Variants in PCSK2 observed in about 807,000 individuals in gnomAD.
The protein encoded by PCSK2 is proprotein convertase subtilisin/kexin type 2.
Under a neutral mutation model 69.7 loss-of-function variants are expected in PCSK2, and 14 were observed. The ratio of observed to expected loss-of-function variants is 0.20; its 90% confidence interval spans 0.13 to 0.31. The LOEUF is 0.31. Among genes scored for constraint, PCSK2 ranks in the 10% least tolerant of loss-of-function variants. The pLI is 1.00. For synonymous variants in PCSK2, 307 were observed against 320.7 expected (o/e 0.96, Z 0.46); for missense variants, 544 against 842.5 (o/e 0.65, Z 4.39).
At chr20:17,429,843 T>A (rs1347072815) in intron 7 of PCSK2, among the ~76,000 whole-genome samples, 1 of 152,130 alleles carries the variant, frequency 6.6e-6, no homozygotes, top group Non-Finnish European at 1.5e-5. Context: ...GTTACTACTC[T>A]GACACCCAAG....
chr20:17,237,097 T>C (rs1048914288), intron 1 of PCSK2, among the ~76,000 whole-genome samples: 1 of 151,824 alleles, frequency 6.6e-6, no homozygotes, highest in African/African-American at 2.4e-5. Context: ...GGTTGAGAGG[T>C]GAGAGAAATG....
chr20:17,404,315 T>C (rs2031707212), intron 5 of PCSK2, among the ~76,000 whole-genome samples: 1 of 152,228 alleles, frequency 6.6e-6, no homozygotes, highest in Non-Finnish European at 1.5e-5. Context: ...ATTAAATACA[T>C]TGGTCTTCTT....
At chr20:17,366,182 A>G (rs1329754890) in intron 4 of PCSK2, among the ~76,000 whole-genome samples, 2 of 152,176 alleles carry the variant, frequency 1.3e-5, no homozygotes, top group Non-Finnish European at 2.9e-5. Context: ...TGAACTATTA[A>G]CATTCTACCT....
chr20:17,457,586 C>T (rs1277506829), intron 10 of PCSK2, among the ~76,000 whole-genome samples: 1 of 152,168 alleles, frequency 6.6e-6, no homozygotes, highest in Non-Finnish European at 1.5e-5. Context: ...AGACACTGGT[C>T]AAAGCTCAAC....
At chr20:17,327,943 C>G (rs1402491295) in intron 2 of PCSK2, among the ~76,000 whole-genome samples, 1 of 152,112 alleles carries the variant, frequency 6.6e-6, no homozygotes, top group East Asian at 1.9e-4. Flanking sequence ...CTTTTATACA[C>G]GCACGCGATG....
At chr20:17,470,825 T>C (rs750272879) in intron 11 of PCSK2, among the ~76,000 whole-genome samples, 7 of 152,210 alleles carry the variant, frequency 4.6e-5, no homozygotes, top group Non-Finnish European at 7.3e-5. Context: ...ACGATGTCTG[T>C]GCCTTTACAG....
At position 17,362,204 on chromosome 20, in the gene PCSK2, C is replaced by T. The variant is rs1211894211; in HGVS notation, c.505+1564C>T. Among the ~76,000 whole-genome samples, 10 of 152,278 alleles carry T rather than the reference C, an allele frequency of 6.6e-5. No homozygotes were observed. In the East Asian group the frequency reaches 1.9e-3, roughly 29 times the overall value. The stretch of plus-strand genomic sequence containing the variant: ...CTCATTTCCACATGCAAAGGCAAGC[C>T]CTTTAGAAAGTCTCAGCAGAATTTC... On this transcript the variant is annotated intron_variant, in intron 4 of 11. Transcript: ENST00000262545.
At chr20:17,379,504 T>G (rs1025106602) in intron 5 of PCSK2, among the ~76,000 whole-genome samples, 1 of 152,378 alleles carries the variant, frequency 6.6e-6, no homozygotes, top group Middle Eastern at 3.4e-3. Flanking sequence ...TGTGGTTGTG[T>G]CAAAGAATCA....
chr20:17,360,560 C>T lies in PCSK2; in HGVS notation c.425C>T (p.Pro142Leu), dbSNP rs959416410. ...LINTGQADGT[P>L]GLDLNVAEAW... ...AATACTGGGCAAGCTGATGGCACTC[C>T]TGGCCTTGATTTGAATGTGGCTGAA... The change falls in exon 4 of 12, where the codon CCT (proline) becomes CTT (leucine). Residue 142 changes from proline to leucine, a missense_variant. Coordinates refer to ENST00000262545, the MANE Select transcript of PCSK2 (RefSeq NM_002594.5). The T allele has an allele frequency of 6.2e-7, 1 of 1,612,350 alleles. No individual in the cohort carries two copies. Among genetic ancestry groups the T allele is most frequent in the African/African-American group, 1.3e-5 (1 of 74,896 alleles).
chr20:17,379,104 C>A (rs141135403), intron 5 of PCSK2, among the ~76,000 whole-genome samples: 23 of 152,328 alleles, frequency 1.5e-4, no homozygotes, highest in African/African-American at 5.1e-4. Flanking sequence ...TGTCCCTCTC[C>A]TCATGTGCCT....
At chr20:17,292,462 T>A (rs1988730194) in intron 2 of PCSK2, among the ~76,000 whole-genome samples, 1 of 152,242 alleles carries the variant, frequency 6.6e-6, no homozygotes, top group African/African-American at 2.4e-5. Context: ...TTTTTGTGTA[T>A]GGTGTGATAC....
In PCSK2 at chr20:17,346,884, G is replaced by A. The variant is rs541017914; in HGVS notation, c.283-11443G>A. 2.1e-4 allele frequency among the ~76,000 whole-genome samples: 32 copies of A among 152,126 alleles called. No individual in the cohort carries two copies. In the East Asian group the frequency reaches 3.3e-3, roughly 16 times the overall value. The stretch of plus-strand genomic sequence containing the variant: ...ATAGAAGCTGAGATTTCACTTTCTC[G>A]GGGTTCTCGTTGGCTGCCTTGGCAC... On this transcript the variant is annotated intron_variant, in intron 2 of 11. Transcript: ENST00000262545.
intron 1 of PCSK2, among the ~76,000 whole-genome samples, chr20:17,233,185 G>C (rs1986207568): frequency 6.6e-6 from 1 of 152,198 alleles, no homozygotes; most frequent in South Asian, 2.1e-4. Context: ...GAATCAGATA[G>C]CACTGGAAAC....
chr20:17,293,619 T>C (rs933031035), intron 2 of PCSK2, among the ~76,000 whole-genome samples: 1 of 152,244 alleles, frequency 6.6e-6, no homozygotes, highest in Non-Finnish European at 1.5e-5. Flanking sequence ...ATAAAGTGTA[T>C]TATATGAATA....
At chr20:17,265,165 A>G (rs887085142) in intron 2 of PCSK2, among the ~76,000 whole-genome samples, 1 of 152,194 alleles carries the variant, frequency 6.6e-6, no homozygotes, top group African/African-American at 2.4e-5. Flanking sequence ...AATGTCACGG[A>G]GAAAAATCTC....
At chr20:17,389,385 T>C (rs1346025421) in intron 5 of PCSK2, among the ~76,000 whole-genome samples, 1 of 152,174 alleles carries the variant, frequency 6.6e-6, no homozygotes, top group Non-Finnish European at 1.5e-5. Flanking sequence ...ATAGGGCATA[T>C]ATGATATAGA....
chr20:17,401,429 G>A (rs1033507753), intron 5 of PCSK2, among the ~76,000 whole-genome samples: 2 of 151,978 alleles, frequency 1.3e-5, no homozygotes, highest in African/African-American at 4.8e-5. Flanking sequence ...TTTTATAAGG[G>A]CACTAATCCC....
intron 1 of PCSK2, among the ~76,000 whole-genome samples, chr20:17,233,910 G>A (rs1274053983): frequency 6.6e-6 from 1 of 152,128 alleles, no homozygotes; most frequent in East Asian, 1.9e-4. Flanking sequence ...TTGTTTCTCT[G>A]TGTTCTGCTC....
intron 4 of PCSK2, among the ~76,000 whole-genome samples, chr20:17,364,565 T>C (rs936666063): frequency 1.3e-5 from 2 of 151,960 alleles, no homozygotes; most frequent in African/African-American, 2.4e-5. Context: ...AACCATCAGA[T>C]CTTGCGAGAC....
Sources: allele counts gnomAD v4.1 joint callset (sites outside exome capture counted in the v4.1 genomes callset), GRCh38; gene constraint gnomAD v4.1.1; transcripts MANE v1.5; gene names NCBI Gene and HGNC (gene_info 2026-07-23, HGNC 2026-07-21).